EDN1: variants seen among roughly 807,000 people sequenced by gnomAD.
EDN1 encodes endothelin-1.
In EDN1, 11 loss-of-function variants were observed where a neutral mutation model predicts 21.7. The ratio of observed to expected loss-of-function variants is 0.51; its 90% CI spans 0.32 to 0.84. EDN1 has a LOEUF of 0.84. Among genes scored for constraint, EDN1 ranks in the 40% least tolerant of loss-of-function variants. EDN1 has a pLI of 0.03. For missense variants in EDN1, 244 were observed against 262.3 expected (o/e 0.93, Z 0.48); for synonymous variants, 85 against 90.6 (o/e 0.94, Z 0.35).
At chr6:12,240,238 G>C in the EDN1 span, among the ~76,000 whole-genome samples, 2 of 152,192 alleles carry the variant, frequency 1.3e-5, no homozygotes, top group Non-Finnish European at 2.9e-5. Context: ...AAGGCTTTAA[G>C]AAAGGCGCGC....
chr6:12,262,322 G>T, the EDN1 span, among the ~76,000 whole-genome samples: 1 of 152,108 alleles, frequency 6.6e-6, no homozygotes, highest in Non-Finnish European at 1.5e-5. Flanking sequence ...AAGAAACCTG[G>T]GCCAGGTTGT....
the EDN1 span, among the ~76,000 whole-genome samples, chr6:12,234,162 T>G: frequency 6.6e-6 from 1 of 152,344 alleles, no homozygotes; most frequent in East Asian, 1.9e-4. Flanking sequence ...CCTCCTGATA[T>G]CAAACTTTAG....
rs1367007262 is a variant in EDN1 at position 12,292,352 on chromosome 6, G to T, written c.76G>T (p.Ala26Ser). ...CTTTCTCTCCCCAGCAGTCTTAGGCGCTGAGCTCAGCGCGGTGGGTGAGAA... is the reference window on the plus strand; with the variant it reads ...CTTTCTCTCCCCAGCAGTCTTAGGCTCTGAGCTCAGCGCGGTGGGTGAGAA... Reference protein sequence around the residue: ...QGAPETAVLGAELSAVGENGG... With the variant: ...QGAPETAVLGSELSAVGENGG... Residue 26 changes from alanine (A) to serine (S), a missense_variant, in exon 2 of 5, where the codon GCT (alanine) becomes TCT (serine). By Grantham distance (99) the Ala-to-Ser change is moderately conservative. Transcript: ENST00000379375. The T allele has an allele frequency of 1.9e-6, 3 of 1,614,090 alleles. No homozygotes were observed. The highest frequency in any genetic ancestry group is 4.5e-5 in the East Asian group (2 of 44,878).
At chr6:12,274,912 G>C in the EDN1 span, among the ~76,000 whole-genome samples, 1 of 149,922 alleles carries the variant, frequency 6.7e-6, no homozygotes, top group East Asian at 1.9e-4. Context: ...CTGGCTGCTA[G>C]AAAGCTTTTT....
chr6:12,277,588 A>G, the EDN1 span, among the ~76,000 whole-genome samples: 1 of 152,194 alleles, frequency 6.6e-6, no homozygotes, highest in Admixed American at 6.5e-5. Context: ...ATTACTCAGG[A>G]GGTATCTGTT....
chr6:12,258,810 G>C, the EDN1 span, among the ~76,000 whole-genome samples: 1 of 152,126 alleles, frequency 6.6e-6, no homozygotes, highest in South Asian at 2.1e-4. Flanking sequence ...TATCTTGATA[G>C]AGCTAGACAA....
Position 12,292,332 on chromosome 6 carries a change from TCTC to T in EDN1, c.65-7_65-5del, listed in dbSNP as rs1762704301. 2 of 1,613,528 alleles carry T rather than the reference TCTC, an allele frequency of 1.2e-6. No homozygotes were observed. Among genetic ancestry groups the T allele is most frequent in the Non-Finnish European group, 1.7e-6 (2 of 1,179,996 alleles). On this transcript the variant is annotated splice_polypyrimidine_tract_variant and splice_region_variant and intron_variant, in intron 1 of 4. Transcript: ENST00000379375. ...ACATCCCCCACTGACCTGCTCTTTC[TCTC>T]CCCAGCAGTCTTAGGCGCTGAGCTC... is the stretch of plus-strand genomic sequence containing the variant.
chr6:12,278,418 T>A, the EDN1 span, among the ~76,000 whole-genome samples: 1 of 152,202 alleles, frequency 6.6e-6, no homozygotes, highest in South Asian at 2.1e-4. Context: ...ATAATCCTAT[T>A]GGTTTCTGTC....
upstream of EDN1, among the ~76,000 whole-genome samples, chr6:12,285,934 T>G (rs1762553746): frequency 6.6e-6 from 1 of 152,248 alleles, no homozygotes; most frequent in Non-Finnish European, 1.5e-5. Flanking sequence ...TATGATTTCA[T>G]GTAGTTTTTT....
At chr6:12,234,800 T>C in the EDN1 span, among the ~76,000 whole-genome samples, 5 of 152,310 alleles carry the variant, frequency 3.3e-5, no homozygotes, top group South Asian at 6.2e-4. Context: ...GGGGACTTCA[T>C]TGGTGTCCAT....
the EDN1 span, among the ~76,000 whole-genome samples, chr6:12,231,780 A>G: frequency 6.6e-6 from 1 of 152,086 alleles, no homozygotes; most frequent in Non-Finnish European, 1.5e-5. Context: ...CAAGTTACAC[A>G]TAAATGGTAA....
the EDN1 span, among the ~76,000 whole-genome samples, chr6:12,270,577 T>C: frequency 6.6e-6 from 1 of 152,296 alleles, no homozygotes; most frequent in East Asian, 1.9e-4. Context: ...TATATTTGTA[T>C]GTTTTCCAAA....
chr6:12,239,326 G>C, the EDN1 span, among the ~76,000 whole-genome samples: 265 of 152,270 alleles, frequency 1.7e-3, 1 homozygote, highest in African/African-American at 6.2e-3. Flanking sequence ...GGATGTTCTT[G>C]TTCCTTTTTC....
chr6:12,245,525 C>G, the EDN1 span, among the ~76,000 whole-genome samples: 1 of 152,076 alleles, frequency 6.6e-6, no homozygotes, highest in Non-Finnish European at 1.5e-5. Context: ...CCTCTGTGAG[C>G]TTTTCCAGCT....
At chr6:12,251,690 C>G in the EDN1 span, among the ~76,000 whole-genome samples, 80 of 152,298 alleles carry the variant, frequency 5.3e-4, 1 homozygote, top group Admixed American at 4.4e-3. Flanking sequence ...ATACGGCCAG[C>G]TGGAGTTTGC....
chr6:12,247,823 G>A, the EDN1 span, among the ~76,000 whole-genome samples: 7 of 152,022 alleles, frequency 4.6e-5, no homozygotes, highest in Non-Finnish European at 1.0e-4. Context: ...ACAGGTGTCA[G>A]CAACCACACG....
the EDN1 span, among the ~76,000 whole-genome samples, chr6:12,265,591 A>T: frequency 6.6e-6 from 1 of 152,212 alleles, no homozygotes; most frequent in Non-Finnish European, 1.5e-5. Flanking sequence ...CCCTGCTGGC[A>T]TCTTGATCCT....
chr6:12,287,755 GGC>G (rs1279596516), upstream of EDN1, among the ~76,000 whole-genome samples: 16 of 27,436 alleles, frequency 5.8e-4, no homozygotes, highest in South Asian at 2.5e-3. Context: ...CACACACACA[GGC>G]GCGCGCGCGC....
the EDN1 span, among the ~76,000 whole-genome samples, chr6:12,279,444 T>C: frequency 6.6e-6 from 1 of 152,026 alleles, no homozygotes; most frequent in Non-Finnish European, 1.5e-5. Context: ...AGCCAGAAGA[T>C]GAAGTGTTGA....
Sources: allele counts gnomAD v4.1 joint callset (sites outside exome capture counted in the v4.1 genomes callset), GRCh38; gene constraint gnomAD v4.1.1; transcripts MANE v1.5; gene names NCBI Gene and HGNC (gene_info 2026-07-23, HGNC 2026-07-21).